The following ALDH1A1 variants were observed in gnomAD, a reference collection of about 807,000 sequenced individuals.
ALDH1A1 encodes the protein aldehyde dehydrogenase 1A1.
In ALDH1A1, 19 loss-of-function variants were observed where a neutral mutation model predicts 62.1. That is an observed-to-expected ratio of 0.31 (90% CI 0.21 to 0.45). ALDH1A1 has a LOEUF of 0.45. Ranked by LOEUF, ALDH1A1 falls within the 20% of genes least tolerant of loss-of-function variation. The pLI, the probability that ALDH1A1 is intolerant of heterozygous loss-of-function variation, is 1.00. For missense variants in ALDH1A1, 521 were observed against 607.1 expected (o/e 0.86, Z 1.49); for synonymous variants, 231 against 215.9 (o/e 1.07, Z -0.61).
chr9:72,936,143 G>C (rs1406353503), intron 2 of ALDH1A1, among the ~76,000 whole-genome samples: 1 of 151,986 alleles, frequency 6.6e-6, no homozygotes, highest in Admixed American at 6.6e-5. Context: ...TGATCTCTTG[G>C]GTAAGCAATA....
intron 8 of ALDH1A1, 98 bp downstream of exon 8, chr9:72,918,613 CTTTTTTTTT>C (rs3079046): frequency 7.9e-5 from 22 of 279,418 alleles, no homozygotes; most frequent in Non-Finnish European, 9.1e-5. Context: ...GAAGCAAATG[CTTTTTTTTT>C]TTTTTTTTTT....
intron 11 of ALDH1A1, among the ~76,000 whole-genome samples, chr9:72,909,151 A>G (rs1829944438): frequency 7.3e-6 from 1 of 137,480 alleles, no homozygotes; most frequent in African/African-American, 2.7e-5. Context: ...TTCTTCCAAT[A>G]CAGCTTTTTT....
chr9:72,912,409 T>G (rs1026934121), intron 9 of ALDH1A1, among the ~76,000 whole-genome samples: 12 of 152,134 alleles, frequency 7.9e-5, no homozygotes, highest in African/African-American at 2.7e-4. Context: ...TAAATGACAA[T>G]CATCATTTAT....
Position 72,940,238 on chromosome 9 carries a change from A to G in ALDH1A1, c.81T>C (p.Asn27=). 6.2e-7 allele frequency: 1 copy of G among 1,613,122 alleles called. No individual in the cohort carries two copies. Among genetic ancestry groups the G allele is most frequent in the Non-Finnish European group, 8.5e-7 (1 of 1,179,268 alleles). ...KIQYTKIFIN[N]EWHDSVSGKK... Reference sequence around the variant, plus strand: ...TGCCACTCACTGAATCATGCCATTCATTGTTTATGAAGATCTGTAGAGATG... The same window carrying G: ...TGCCACTCACTGAATCATGCCATTCGTTGTTTATGAAGATCTGTAGAGATG... Residue 27 remains asparagine (N), a synonymous_variant, in exon 2 of 13, where the codon AAT becomes AAC. Transcript: ENST00000297785.
At chr9:72,937,444 G>A (rs1325327621) in intron 2 of ALDH1A1, among the ~76,000 whole-genome samples, 2 of 152,056 alleles carry the variant, frequency 1.3e-5, no homozygotes, top group Admixed American at 6.6e-5. Flanking sequence ...TATAAAACCC[G>A]GGCATGACTG....
At chr9:72,937,678 T>C (rs1329316476) in intron 2 of ALDH1A1, among the ~76,000 whole-genome samples, 1 of 152,172 alleles carries the variant, frequency 6.6e-6, no homozygotes, top group Non-Finnish European at 1.5e-5. Context: ...TTGTTGGGGA[T>C]GGACACTGGG....
intron 9 of ALDH1A1, among the ~76,000 whole-genome samples, chr9:72,916,037 A>G (rs1395413125): frequency 6.6e-6 from 1 of 152,110 alleles, no homozygotes; most frequent in African/African-American, 2.4e-5. Flanking sequence ...TGGGCCAGAT[A>G]ATTCTTTGTC....
At chr9:72,945,171 A>G (rs1323838420) in intron 1 of ALDH1A1, among the ~76,000 whole-genome samples, 1 of 152,060 alleles carries the variant, frequency 6.6e-6, no homozygotes, top group Non-Finnish European at 1.5e-5. Context: ...ATTTTCTCAA[A>G]ATATTTCTGG....
intron 12 of ALDH1A1, among the ~76,000 whole-genome samples, chr9:72,903,584 G>A (rs1311390593): frequency 1.3e-5 from 2 of 150,752 alleles, no homozygotes; most frequent in South Asian, 2.1e-4. Flanking sequence ...TTTAACTGTA[G>A]CATTCTCTAG....
At chr9:72,928,356 C>T (rs1830237418) in intron 4 of ALDH1A1, among the ~76,000 whole-genome samples, 1 of 152,300 alleles carries the variant, frequency 6.6e-6, no homozygotes, top group South Asian at 2.1e-4. Context: ...TTAACTTAGG[C>T]TGCAAACACA....
At chr9:72,951,101 TG>T (rs1830539306) in intron 1 of ALDH1A1, among the ~76,000 whole-genome samples, 1 of 151,972 alleles carries the variant, frequency 6.6e-6, no homozygotes, top group Non-Finnish European at 1.5e-5. Flanking sequence ...CTGACTTGTT[TG>T]GAGTATTTTT....
At chr9:72,950,732 C>T (rs560895544) in intron 1 of ALDH1A1, among the ~76,000 whole-genome samples, 11 of 151,616 alleles carry the variant, frequency 7.3e-5, no homozygotes, top group Non-Finnish European at 8.9e-5. Context: ...TAAAAAAGGA[C>T]ATTAGAATAG....
intron 8 of ALDH1A1, among the ~76,000 whole-genome samples, chr9:72,917,449 T>G (rs1830079951): frequency 6.6e-6 from 1 of 152,124 alleles, no homozygotes; most frequent in South Asian, 2.1e-4. Context: ...GATTATTTCT[T>G]TCAGGCCCCA....
chr9:72,938,324 C>T (rs1040792429), intron 2 of ALDH1A1, among the ~76,000 whole-genome samples: 1 of 151,052 alleles, frequency 6.6e-6, no homozygotes, highest in Middle Eastern at 3.2e-3. Context: ...AACTAAAGAG[C>T]AGAAAAATCA....
intron 2 of ALDH1A1, among the ~76,000 whole-genome samples, chr9:72,932,180 A>T (rs1830289322): frequency 6.6e-6 from 1 of 152,238 alleles, no homozygotes; most frequent in South Asian, 2.1e-4. Context: ...CTCCACAAAT[A>T]GTGGCTATAT....
intron 1 of ALDH1A1, among the ~76,000 whole-genome samples, chr9:72,944,380 A>G (rs1830451198): frequency 6.6e-6 from 1 of 152,086 alleles, no homozygotes; most frequent in South Asian, 2.1e-4. Context: ...GGCATAGGTA[A>G]TGTGATGACC....
intron 2 of ALDH1A1, among the ~76,000 whole-genome samples, chr9:72,931,694 C>T (rs1475625913): frequency 6.6e-6 from 1 of 152,294 alleles, no homozygotes; most frequent in East Asian, 1.9e-4. Context: ...GTGCTCATTC[C>T]TCTTGTGCAG....
intron 1 of ALDH1A1, among the ~76,000 whole-genome samples, chr9:72,942,657 T>G (rs1284480427): frequency 6.6e-6 from 1 of 152,152 alleles, no homozygotes; most frequent in Non-Finnish European, 1.5e-5. Flanking sequence ...AACATGCTTT[T>G]CCAGTCTTTT....
rs146027677 is a variant in ALDH1A1, at chr9:72,918,708, G to T, written c.850+12C>A. On this transcript the variant is annotated intron_variant, in intron 8 of 12. Coordinates refer to ENST00000297785, the MANE Select transcript of ALDH1A1 (RefSeq NM_000689.5). ...TGAAGGACGAAAAGTTAACAAAGTG[G>T]TTTCTACTCACAGTCGGCATCAGCT... 1 of 1,526,374 alleles carries T rather than the reference G, an allele frequency of 6.6e-7. No homozygotes were observed. The highest frequency in any genetic ancestry group is 8.9e-7 in the Non-Finnish European group (1 of 1,128,844). The allele number at this position is 1,526,374 out of a possible 1,614,324, so 94.6% of individuals were successfully genotyped here. A position where few individuals can be genotyped will look rare whatever the true frequency, so the allele number is the denominator to read the frequency against.
Sources: allele counts gnomAD v4.1 joint callset (sites outside exome capture counted in the v4.1 genomes callset), GRCh38; gene constraint gnomAD v4.1.1; transcripts MANE v1.5; gene names NCBI Gene and HGNC (gene_info 2026-07-23, HGNC 2026-07-21).